Variants in SERPINA3 observed in about 807,000 individuals in gnomAD.
SERPINA3 encodes alpha-1-antichymotrypsin.
SERPINA3 carries 32 observed loss-of-function variants against 26.8 expected under a neutral mutation model. The observed-to-expected ratio is 1.20, with a 90% CI of 0.90 to 1.61. The LOEUF (loss-of-function observed/expected upper bound fraction) is 1.61, where lower values mean the gene tolerates loss of function less well. SERPINA3 is among the 40% of genes most tolerant of loss of function. The pLI is 0.00. For missense variants in SERPINA3, 632 were observed against 517.9 expected (o/e 1.22, Z -2.14); for synonymous variants, 252 against 206.4 (o/e 1.22, Z -1.89).
intron 3 of SERPINA3, among the ~76,000 whole-genome samples, chr14:94,621,488 A>C (rs564800166): frequency 6.6e-6 from 1 of 152,272 alleles, no homozygotes; most frequent in South Asian, 2.1e-4. Flanking sequence ...AATGGAAGAC[A>C]CAGCCTCCTG....
At position 94,614,711 on chromosome 14, in the gene SERPINA3, G is replaced by A. The variant is rs745752138; in HGVS notation, c.270G>A (p.Gly90=). 4 of 1,614,118 alleles carry A rather than the reference G, an allele frequency of 2.5e-6. No individual in the cohort carries two copies. Among genetic ancestry groups the A allele is most frequent in the East Asian group, 4.5e-5 (2 of 44,866 alleles). Residue 90 remains glycine, a synonymous_variant, in exon 2 of 5, where the codon GGG becomes GGA. Transcript: ENST00000393078. ...ISTALAFLSL[G]AHNTTLTEIL... ...CCGCCTTGGCCTTCCTGTCTCTGGG[G>A]GCCCATAATACCACCCTGACAGAGA...
chr14:94,624,038 A>C lies in SERPINA3; in HGVS notation c.*224A>C, dbSNP rs765935597. Reference sequence around the variant, plus strand: ...GGGTCCTGGGCCTCCTGACAGCAATAAATAATTTCGTTGGACACGTTGCTT... The same window carrying C: ...GGGTCCTGGGCCTCCTGACAGCAATCAATAATTTCGTTGGACACGTTGCTT... On this transcript the variant is annotated 3_prime_UTR_variant, in exon 5 of 5. Transcript: ENST00000393078. 1.7e-6 allele frequency: 1 copy of C among 597,366 alleles called. No individual in the cohort carries two copies. Among genetic ancestry groups the C allele is most frequent in the South Asian group, 1.9e-5 (1 of 51,406 alleles). The allele number at this position is 597,366 out of a possible 1,614,324, so 37.0% of individuals were successfully genotyped here. A position where few individuals can be genotyped will look rare whatever the true frequency, so the allele number is the denominator to read the frequency against.
chr14:94,622,615 C>T (rs187359760), intron 4 of SERPINA3, 124 bp downstream of exon 4: 2 of 1,101,070 alleles, frequency 1.8e-6, no homozygotes, highest in African/African-American at 1.6e-5. Context: ...TATATACTCA[C>T]CCTGCTTGGG....
intron 2 of SERPINA3, among the ~76,000 whole-genome samples, chr14:94,616,911 G>C (rs1262160713): frequency 1.3e-5 from 2 of 152,110 alleles, no homozygotes; most frequent in East Asian, 1.9e-4. Flanking sequence ...AGACAGAAAT[G>C]GGGGGAGATG....
At chr14:94,623,472 G>A in intron 4 of SERPINA3, 139 bp from the exon 5 acceptor site, 1 of 794,808 alleles carries the variant, frequency 1.3e-6, no homozygotes, top group Non-Finnish European at 2.2e-6. Context: ...GGAGTTGGGA[G>A]GAGCAAACAT....
At position 94,619,183 on chromosome 14, in the gene SERPINA3, C is replaced by T. The variant is rs1886102705; in HGVS notation, c.644-12C>T. On this transcript the variant is annotated splice_polypyrimidine_tract_variant and intron_variant, in intron 2 of 4. Transcript: ENST00000393078. ...CACTCACACCTTCTCCAACTGCTTG[C>T]TCCACCTTCAGCCAAATGGGAGATG... 1 of 1,614,058 alleles carries T rather than the reference C, an allele frequency of 6.2e-7. No homozygotes were observed. The highest frequency in any genetic ancestry group is 8.5e-7 in the Non-Finnish European group (1 of 1,179,932).
At chr14:94,619,966 C>T in intron 3 of SERPINA3, 1 of 197,052 alleles carries the variant, frequency 5.1e-6, no homozygotes, top group Middle Eastern at 2.0e-3. Context: ...CACAAGATTC[C>T]CTGCCCTCCT....
chr14:94,615,849 G>A (rs1021432945), intron 2 of SERPINA3, among the ~76,000 whole-genome samples: 9 of 152,142 alleles, frequency 5.9e-5, no homozygotes, highest in African/African-American at 1.7e-4. Flanking sequence ...AGTGCAAGCC[G>A]GTAGCTTTTG....
Position 94,614,513 on chromosome 14 carries a change from C to T in SERPINA3, c.72C>T (p.His24=), listed in dbSNP as rs1885907493. The T allele has an allele frequency of 2.5e-6, 4 of 1,613,954 alleles. No homozygotes were observed. Among genetic ancestry groups the T allele is most frequent in the Non-Finnish European group, 3.4e-6 (4 of 1,179,844 alleles). ...AAGFCPAVLC[H]PNSPLDEENL... ...GGTTCTGCCCTGCTGTCCTCTGCCACCCTAACAGCCCACTTGACGAGGAGA... is the reference window on the plus strand; with the variant it reads ...GGTTCTGCCCTGCTGTCCTCTGCCATCCTAACAGCCCACTTGACGAGGAGA... The change falls in exon 2 of 5, where the codon CAC becomes CAT. Residue 24 remains histidine, a synonymous_variant. Coordinates refer to ENST00000393078, the MANE Select transcript of SERPINA3 (RefSeq NM_001085.5).
At position 94,622,445 on chromosome 14, in the gene SERPINA3, C is replaced by A. The variant is rs1215229472; in HGVS notation, c.1022C>A (p.Ala341Asp). ...LGIEEAFTSK[A>D]DLSGITGARN... Reference sequence around the variant, plus strand: ...ATTGAGGAAGCCTTCACCAGCAAGGCTGACCTGTCAGGGATCACAGGGGCC... The same window carrying A: ...ATTGAGGAAGCCTTCACCAGCAAGGATGACCTGTCAGGGATCACAGGGGCC... Residue 341 changes from alanine to aspartate, a missense_variant, in exon 4 of 5, where the codon GCT (alanine) becomes GAT (aspartate). By Grantham distance (126) the Ala-to-Asp change is moderately radical (BLOSUM62 -2). Coordinates refer to ENST00000393078, the MANE Select transcript of SERPINA3 (RefSeq NM_001085.5). 1.2e-6 allele frequency: 2 copies of A among 1,614,064 alleles called. No individual in the cohort carries two copies. Among genetic ancestry groups the A allele is most frequent in the Admixed American group, 1.7e-5 (1 of 60,004 alleles).
intron 4 of SERPINA3, among the ~76,000 whole-genome samples, chr14:94,623,042 G>A (rs1356728334): frequency 6.6e-6 from 1 of 152,204 alleles, no homozygotes; most frequent in Non-Finnish European, 1.5e-5. Context: ...ACTGGGTTGA[G>A]GTCTGCACTC....
At position 94,615,011 on chromosome 14, in the gene SERPINA3, G is replaced by T. The variant is rs757020810; in HGVS notation, c.570G>T (p.Gly190=). ...ACTACGTGAAGAATGGAACTAGGGGGAAAATCACAGATCTGATCAAGGACC... is the reference window on the plus strand; with the variant it reads ...ACTACGTGAAGAATGGAACTAGGGGTAAAATCACAGATCTGATCAAGGACC... ...INDYVKNGTR[G]KITDLIKDLD... The change falls in exon 2 of 5, where the codon GGG becomes GGT. Residue 190 remains glycine, a synonymous_variant. Transcript: ENST00000393078. 8 of 1,614,050 alleles carry T rather than the reference G, an allele frequency of 5.0e-6. No individual in the cohort carries two copies. The Admixed American group carries it at 1.0e-4, about 20-fold the overall frequency.
At chr14:94,622,310 G>A (rs961901337) in intron 3 of SERPINA3, 31 bp from the exon 4 acceptor site, 2 of 1,613,518 alleles carry the variant, frequency 1.2e-6, no homozygotes, top group Non-Finnish European at 1.7e-6. Context: ...ATCAGCAGAG[G>A]TTCAGATACT....
intron 2 of SERPINA3, chr14:94,618,938 C>T (rs376221896): frequency 1.8e-6 from 1 of 569,946 alleles, no homozygotes; most frequent in African/African-American, 1.9e-5. Flanking sequence ...CTCTCTTGCA[C>T]TCCTTATTCC....
At chr14:94,620,698 G>A (rs1204548641) in intron 3 of SERPINA3, among the ~76,000 whole-genome samples, 1 of 152,230 alleles carries the variant, frequency 6.6e-6, no homozygotes, top group Admixed American at 6.5e-5. Flanking sequence ...AGCCATGCAT[G>A]TGAGAAGTCA....
chr14:94,623,925 T>C lies in SERPINA3; in HGVS notation c.*111T>C. On this transcript the variant is annotated 3_prime_UTR_variant, in exon 5 of 5. Coordinates refer to ENST00000393078, the MANE Select transcript of SERPINA3 (RefSeq NM_001085.5). ...GTGCACCGAGTGGCCATGGCATGTG[T>C]GGCCCTGTCTGCTTATCCTTGGAAG... 1 of 917,996 alleles carries C rather than the reference T, an allele frequency of 1.1e-6. No homozygotes were observed. The highest frequency in any genetic ancestry group is 1.3e-5 in the South Asian group (1 of 76,376). The allele number at this position is 917,996 out of a possible 1,614,324, so 56.9% of individuals were successfully genotyped here.
In SERPINA3 at chr14:94,619,104, G is replaced by A. The variant is rs1003659333; in HGVS notation, c.644-91G>A. On this transcript the variant is annotated intron_variant, in intron 2 of 4. Coordinates refer to ENST00000393078, the MANE Select transcript of SERPINA3 (RefSeq NM_001085.5). ...ACCAAAGCAGGGTCCCTCCTATGAG[G>A]GACTCTGGGCACTTCCACTGCTGCG... 16 of 1,462,184 alleles carry A rather than the reference G, an allele frequency of 1.1e-5. No homozygotes were observed. In the Admixed American group the frequency reaches 1.5e-4, roughly 14 times the overall value. The allele number at this position is 1,462,184 out of a possible 1,614,324, so 90.6% of individuals were successfully genotyped here. A position where few individuals can be genotyped will look rare whatever the true frequency, so the allele number is the denominator to read the frequency against.
intron 2 of SERPINA3, chr14:94,615,453 C>T (rs1885958331): frequency 4.3e-6 from 2 of 462,580 alleles, no homozygotes; most frequent in Middle Eastern, 4.1e-4. Flanking sequence ...TAGACTAGGC[C>T]AGGAAGTCCC....
In SERPINA3 at chr14:94,614,933, G is replaced by A. The variant is rs749951238; in HGVS notation, c.492G>A (p.Glu164=). The change falls in exon 2 of 5, where the codon GAG becomes GAA. Residue 164 remains glutamate (E), a synonymous_variant. Transcript: ENST00000393078. ...ATGCCAAGAGGCTGTATGGCTCCGA[G>A]GCCTTTGCCACTGACTTTCAGGACT... The part of the protein sequence containing the change: ...TEDAKRLYGS[E]AFATDFQDSA... 1 of 1,613,552 alleles carries A rather than the reference G, an allele frequency of 6.2e-7. No homozygotes were observed. The highest frequency in any genetic ancestry group is 8.5e-7 in the Non-Finnish European group (1 of 1,179,446).
Sources: allele counts gnomAD v4.1 joint callset (sites outside exome capture counted in the v4.1 genomes callset), GRCh38; gene constraint gnomAD v4.1.1; transcripts MANE v1.5; gene names NCBI Gene and HGNC (gene_info 2026-07-23, HGNC 2026-07-21).